DENND4C: variants seen among roughly 807,000 people sequenced by gnomAD.
DENND4C encodes the protein DENN domain-containing protein 4C.
In DENND4C, 108 loss-of-function variants were observed where a neutral mutation model predicts 203.0. That is an observed-to-expected ratio of 0.53 (90% CI 0.46 to 0.62). The LOEUF is 0.62. Among genes scored for constraint, DENND4C ranks in the 20% least tolerant of loss-of-function variants. The pLI is 0.00. For synonymous variants in DENND4C, 871 were observed against 792.4 expected (o/e 1.10, Z -1.67); for missense variants, 2,481 against 2,301.2 (o/e 1.08, Z -1.60).
chr9:19,359,038 A>G (rs571811195), intron 28 of DENND4C, among the ~76,000 whole-genome samples: 8 of 152,002 alleles, frequency 5.3e-5, no homozygotes, highest in African/African-American at 1.7e-4. Flanking sequence ...ATAATAAGGA[A>G]TACATAAACA....
chr9:19,304,787 G>C (rs1324012599), intron 9 of DENND4C, among the ~76,000 whole-genome samples: 1 of 149,482 alleles, frequency 6.7e-6, no homozygotes, highest in African/African-American at 2.5e-5. Flanking sequence ...CTGACCTTGT[G>C]ATCCACCCGC....
intron 2 of DENND4C, among the ~76,000 whole-genome samples, chr9:19,279,739 C>T (rs992792679): frequency 4.6e-5 from 7 of 150,680 alleles, no homozygotes; most frequent in African/African-American, 1.7e-4. Context: ...CCTAGCTACT[C>T]AGAAGGCTGA....
chr9:19,251,798 A>G (rs1368846880), intron 1 of DENND4C, among the ~76,000 whole-genome samples: 1 of 152,200 alleles, frequency 6.6e-6, no homozygotes, highest in Non-Finnish European at 1.5e-5. Flanking sequence ...CCAGTTTCCA[A>G]CAAGTTCCTC....
chr9:19,248,401 T>C (rs1160202844), intron 1 of DENND4C, among the ~76,000 whole-genome samples: 1 of 152,122 alleles, frequency 6.6e-6, no homozygotes, highest in African/African-American at 2.4e-5. Context: ...CTTTTTTTTT[T>C]ATTTTGAGAT....
intron 1 of DENND4C, among the ~76,000 whole-genome samples, chr9:19,271,889 GAA>G (rs1425780941): frequency 6.7e-6 from 1 of 148,206 alleles, no homozygotes; most frequent in Non-Finnish European, 1.5e-5. Flanking sequence ...AAAAAAAAGA[GAA>G]AAGAAAACAG....
At chr9:19,260,397 G>GTTATGTTATGTTATA (rs1312016638) in intron 1 of DENND4C, among the ~76,000 whole-genome samples, 1 of 143,828 alleles carries the variant, frequency 7.0e-6, no homozygotes, top group Non-Finnish European at 1.5e-5. Context: ...GTTATGTTAT[G>GTTATGTTATGTTATA]TTATGTTATG....
intron 1 of DENND4C, among the ~76,000 whole-genome samples, chr9:19,271,636 C>T (rs1283132385): frequency 4.0e-5 from 6 of 151,700 alleles, no homozygotes; most frequent in Middle Eastern, 3.2e-3. Context: ...GAGGCTGAGG[C>T]GGGCGGATCA....
chr9:19,319,315 CACAT>C (rs1328537803), intron 12 of DENND4C, among the ~76,000 whole-genome samples: 5 of 56,478 alleles, frequency 8.9e-5, no homozygotes, highest in Admixed American at 2.4e-4. Context: ...CATATATACA[CACAT>C]ATATATACAT....
chr9:19,288,687 G>T, intron 4 of DENND4C, 22 bp downstream of exon 4: 1 of 1,211,922 alleles, frequency 8.3e-7, no homozygotes, highest in Non-Finnish European at 1.0e-6. Flanking sequence ...AAAAAAAATT[G>T]TCTCAATTGC....
In DENND4C at chr9:19,358,021, C is replaced by G; in HGVS notation, c.5021C>G (p.Pro1674Arg). 1.2e-6 allele frequency: 2 copies of G among 1,613,598 alleles called. No homozygotes were observed. Among genetic ancestry groups the G allele is most frequent in the Non-Finnish European group, 1.7e-6 (2 of 1,179,720 alleles). The change falls in exon 28 of 33, where the codon CCT (proline) becomes CGT (arginine). Residue 1674 changes from proline (P) to arginine (R), a missense_variant. Physicochemically the swap from Pro to Arg is moderately radical, Grantham distance 103 (BLOSUM62 -2). Around this residue, in one of 3 missense-constraint regions of DENND4C, gnomAD observed 2,289 missense variants for 2,113.3 expected, o/e 1.08. Coordinates refer to ENST00000434457, the MANE Select transcript of DENND4C (RefSeq NM_001330640.2). This position sits in a 1 kb window ranked among gnomAD's most constrained non-coding sequence, Gnocchi z 4.8. ...CAAACTATGAAAATTTCATCTGTGC[C>G]TAATAGTTTATCAAAGCGAAATGTG... ...DVQTMKISSVPNSLSKRNVSL... is the reference protein window; with the variant it reads ...DVQTMKISSVRNSLSKRNVSL...
At chr9:19,275,119 A>T (rs1398705876) in intron 1 of DENND4C, among the ~76,000 whole-genome samples, 3 of 149,838 alleles carry the variant, frequency 2.0e-5, no homozygotes, top group African/African-American at 7.4e-5. Flanking sequence ...CTGGGATTAC[A>T]GGTGCCCACC....
At position 19,236,147 on chromosome 9, in the gene DENND4C, G is replaced by C. The variant is rs569696914; in HGVS notation, c.-18+5314G>C. Reference sequence around the variant, plus strand: ...TAAATCTTTTTTTAAATTATGGAAAGAGGATCTATTAAAGAGGCCCTTTTC... The same window carrying C: ...TAAATCTTTTTTTAAATTATGGAAACAGGATCTATTAAAGAGGCCCTTTTC... On this transcript the variant is annotated intron_variant, in intron 1 of 32. Transcript: ENST00000434457. Among the ~76,000 whole-genome samples, 27 of 152,048 alleles carry C rather than the reference G, an allele frequency of 1.8e-4. 1 individual carries two copies. In the South Asian group the frequency reaches 3.5e-3, roughly 20 times the overall value.
intron 2 of DENND4C, among the ~76,000 whole-genome samples, chr9:19,280,545 T>A (rs1018130605): frequency 1.3e-5 from 2 of 150,618 alleles, no homozygotes; most frequent in Non-Finnish European, 3.0e-5. Context: ...TATTGTTCTG[T>A]TTTTTTTTCT....
chr9:19,242,488 A>C (rs966483045), intron 1 of DENND4C, among the ~76,000 whole-genome samples: 1 of 152,180 alleles, frequency 6.6e-6, no homozygotes, highest in Non-Finnish European at 1.5e-5. Context: ...TTAGCTTTGT[A>C]AGAAACTGCC....
chr9:19,309,163 C>T (rs1236931333), intron 10 of DENND4C, among the ~76,000 whole-genome samples: 5 of 152,138 alleles, frequency 3.3e-5, no homozygotes, highest in African/African-American at 9.7e-5. Flanking sequence ...TGGCTCACGC[C>T]TGTAATCCCA....
chr9:19,372,853 C>A lies in DENND4C; in HGVS notation c.*680C>A, dbSNP rs1450052479. 8.8e-6 allele frequency: 1 copy of A among 113,222 alleles called. No homozygotes were observed. Among genetic ancestry groups the A allele is most frequent in the Non-Finnish European group, 1.7e-5 (1 of 59,952 alleles). The allele number at this position is 113,222 out of a possible 1,614,324, so 7.0% of individuals were successfully genotyped here. ...TCCAGCTTGGGTGACAGAGTGAGAC[C>A]GTCTCAAAAAAAAAAAAAAAAAAAA... On this transcript the variant is annotated 3_prime_UTR_variant, in exon 33 of 33. Coordinates refer to ENST00000434457, the MANE Select transcript of DENND4C (RefSeq NM_001330640.2).
intron 10 of DENND4C, 143 bp downstream of exon 10, chr9:19,305,670 G>A (rs928685266): frequency 9.4e-6 from 7 of 746,256 alleles, no homozygotes; most frequent in Non-Finnish European, 1.4e-5. Context: ...ACCAGGGCAG[G>A]TATCAGAATC....
rs1236000160 is a variant in DENND4C at position 19,257,240 on chromosome 9, CA to C, written c.-17-18917del. On this transcript the variant is annotated intron_variant, in intron 1 of 32. Coordinates refer to ENST00000434457, the MANE Select transcript of DENND4C (RefSeq NM_001330640.2). The stretch of plus-strand genomic sequence containing the variant: ...GTGCGGTGGCTTGCACCTGTAATCC[CA>C]GCTACTCAGGAGGCTGAGGTGTGAG... Among the ~76,000 whole-genome samples, 15 of 151,532 alleles carry C rather than the reference CA, an allele frequency of 9.9e-5. No homozygotes were observed. The East Asian group carries it at 2.5e-3, about 25-fold the overall frequency.
In DENND4C at chr9:19,346,980, C is replaced by G; in HGVS notation, c.4211C>G (p.Ser1404Ter). The G allele has an allele frequency of 6.2e-7, 1 of 1,614,152 alleles. No individual in the cohort carries two copies. Among genetic ancestry groups the G allele is most frequent in the Non-Finnish European group, 8.5e-7 (1 of 1,180,016 alleles). Residue 1404 changes from serine (S) to a stop codon, truncating the protein, a stop_gained, in exon 23 of 33, where the codon TCA (serine) becomes TGA (stop). Transcript: ENST00000434457. LOFTEE classifies it high-confidence loss of function. The part of the protein sequence containing the change: ...LSGLKLDNIL[S>*]GPKIDVLKSG... ...GGGCTAAAGCTGGATAATATACTCT[C>G]AGGGCCCAAGATAGATGTCCTGAAA...
Sources: gnomAD v4.1 joint callset for allele counts (sites outside exome capture counted in the v4.1 genomes callset) on GRCh38, gnomAD v4.1.1 for gene constraint, gnomAD v4.1.1 regional missense constraint, Gnocchi (gnomAD v3.1) non-coding constraint, MANE v1.5 for transcripts, NCBI Gene and HGNC (gene_info 2026-07-23, HGNC 2026-07-21) for gene names.